HDAC4: variants seen among roughly 807,000 people sequenced by gnomAD.
HDAC4 encodes histone deacetylase 4, also known as histone deacetylase A.
In HDAC4, 16 loss-of-function variants were observed where a neutral mutation model predicts 135.1. That is an observed-to-expected ratio of 0.12 (90% CI 0.08 to 0.18). The LOEUF (loss-of-function observed/expected upper bound fraction) is 0.18. HDAC4 is among the 10% of genes least tolerant of loss of function. The pLI is 1.00. For missense variants in HDAC4, 1,143 were observed against 1,511.8 expected (o/e 0.76, Z 4.05); for synonymous variants, 685 against 653.4 (o/e 1.05, Z -0.74).
intron 18 of HDAC4, among the ~76,000 whole-genome samples, chr2:239,088,509 G>T (rs901117079): frequency 6.6e-6 from 1 of 152,206 alleles, no homozygotes; most frequent in Admixed American, 6.5e-5. Context: ...CCCTGCTGAG[G>T]GTCTGTAGTC....
chr2:239,350,536 G>A (rs1693063216), intron 2 of HDAC4, among the ~76,000 whole-genome samples: 1 of 151,700 alleles, frequency 6.6e-6, no homozygotes, highest in African/African-American at 2.4e-5. Flanking sequence ...ACGGAGTCTT[G>A]CTCTGTCGCC....
chr2:239,124,685 C>T (rs111385528), intron 12 of HDAC4, among the ~76,000 whole-genome samples: 778 of 31,056 alleles, frequency 0.025, 7 homozygotes, highest in African/African-American at 0.079. Context: ...CGTGTGGCCG[C>T]GTTATATGAC....
chr2:239,117,975 C>T (rs1280808204), intron 12 of HDAC4, among the ~76,000 whole-genome samples: 3 of 152,196 alleles, frequency 2.0e-5, no homozygotes, highest in South Asian at 4.1e-4. Flanking sequence ...CACACTCACG[C>T]GAGGCGGCCT....
intron 1 of HDAC4, among the ~76,000 whole-genome samples, chr2:239,385,775 G>A (rs2126079257): frequency 1.3e-5 from 2 of 152,358 alleles, no homozygotes; most frequent in Non-Finnish European, 2.9e-5. Flanking sequence ...AGGAGGCCAG[G>A]CAAGCCACGG....
chr2:239,144,516 A>T, intron 8 of HDAC4, 67 bp downstream of exon 8: 1 of 1,605,464 alleles, frequency 6.2e-7, no homozygotes. Flanking sequence ...CCTGAGAGAA[A>T]TCGCCTATGG....
At chr2:239,343,769 G>A (rs369204820) in intron 2 of HDAC4, among the ~76,000 whole-genome samples, 1 of 152,212 alleles carries the variant, frequency 6.6e-6, no homozygotes, top group African/African-American at 2.4e-5. Flanking sequence ...GTGTTCTGCC[G>A]CAGAGAGGCG....
At chr2:239,136,972 G>A (rs1182605647) in intron 9 of HDAC4, among the ~76,000 whole-genome samples, 1 of 152,128 alleles carries the variant, frequency 6.6e-6, no homozygotes, top group African/African-American at 2.4e-5. Context: ...TTTTTCCTAG[G>A]CAATTTTTTT....
At chr2:239,096,490 G>A (rs976181291) in intron 16 of HDAC4, among the ~76,000 whole-genome samples, 4 of 14,370 alleles carry the variant, frequency 2.8e-4, no homozygotes, top group Non-Finnish European at 4.5e-4. Context: ...CCCGCCCCCC[G>A]CCCCGCCCCC....
rs547644550 is a variant in HDAC4, at chr2:239,066,167, C to T, written c.3003+555G>A. Among the ~76,000 whole-genome samples, 12 of 152,270 alleles carry T rather than the reference C, an allele frequency of 7.9e-5. No homozygotes were observed. The South Asian group carries it at 2.5e-3, about 32-fold the overall frequency. ...GCCCGTGGAACATTCTTTTTCTCTG[C>T]CCAGGTCTCAGAGGCCAGCTGTACA... On this transcript the variant is annotated intron_variant, in intron 24 of 26. Coordinates refer to ENST00000543185, the MANE Select transcript of HDAC4 (RefSeq NM_001378414.1).
intron 12 of HDAC4, among the ~76,000 whole-genome samples, chr2:239,124,524 G>A (rs1207589492): frequency 1.3e-5 from 2 of 151,786 alleles, no homozygotes; most frequent in South Asian, 2.1e-4. Context: ...ACATTCCGGC[G>A]TGCCGGCGTG....
At chr2:239,302,331 C>G (rs2052315230) in intron 2 of HDAC4, among the ~76,000 whole-genome samples, 1 of 152,182 alleles carries the variant, frequency 6.6e-6, no homozygotes, top group Non-Finnish European at 1.5e-5. Context: ...CAAGGCCACC[C>G]TGGCAGCAAA....
chr2:239,346,037 C>T (rs1192237888), intron 2 of HDAC4, among the ~76,000 whole-genome samples: 1 of 146,040 alleles, frequency 6.8e-6, no homozygotes, highest in Non-Finnish European at 1.5e-5. Flanking sequence ...CACACATACA[C>T]ACCGTCTGAA....
Position 239,126,615 on chromosome 2 carries a change from G to C in HDAC4, c.1374C>G (p.Ile458Met), listed in dbSNP as rs759484880. 2 of 1,614,018 alleles carry C rather than the reference G, an allele frequency of 1.2e-6. No individual in the cohort carries two copies. Among genetic ancestry groups the C allele is most frequent in the South Asian group, 2.2e-5 (2 of 91,084 alleles). ...GTGGGCGGTGCTGCCGCAGCTTGTG[G>C]ATGGAGGGGGACACCCGGTCTGCAC... ...LVGADRVSPS[I>M]HKLRQHRPLG... Residue 458 changes from isoleucine to methionine, a missense_variant, in exon 12 of 27, where the codon ATC becomes ATG. Coordinates refer to ENST00000543185, the MANE Select transcript of HDAC4 (RefSeq NM_001378414.1).
Position 239,331,863 on chromosome 2 carries a change from A to AC in HDAC4, c.22+20814dup, listed in dbSNP as rs1487792049. ...AGCGGAGCAGCACCGGACGGCTCGGACCCTGGGAAACGAACGCCAGACTGA... is the reference window on the plus strand; with the variant it reads ...AGCGGAGCAGCACCGGACGGCTCGGACCCCTGGGAAACGAACGCCAGACTGA... On this transcript the variant is annotated intron_variant, in intron 2 of 26. Coordinates refer to ENST00000543185, the MANE Select transcript of HDAC4 (RefSeq NM_001378414.1). This position sits in a 1 kb window ranked among gnomAD's most constrained non-coding sequence, Gnocchi z 4.5. Among the ~76,000 whole-genome samples the AC allele has an allele frequency of 6.6e-6, 1 of 152,060 alleles. No individual in the cohort carries two copies. Among genetic ancestry groups the AC allele is most frequent in the Non-Finnish European group, 1.5e-5 (1 of 68,008 alleles).
intron 24 of HDAC4, among the ~76,000 whole-genome samples, chr2:239,066,451 T>G (rs1249822953): frequency 6.6e-6 from 1 of 152,164 alleles, no homozygotes; most frequent in Non-Finnish European, 1.5e-5. Flanking sequence ...ACTGAAAGGG[T>G]GCAGTCGCAC....
intron 3 of HDAC4, among the ~76,000 whole-genome samples, chr2:239,202,722 G>A (rs772431971): frequency 3.3e-5 from 5 of 152,154 alleles, no homozygotes; most frequent in African/African-American, 4.8e-5. Flanking sequence ...AGGCTTCCTC[G>A]ATGGAGCTGT....
At chr2:239,255,493 A>AT (rs1183848766) in intron 2 of HDAC4, among the ~76,000 whole-genome samples, 2 of 152,068 alleles carry the variant, frequency 1.3e-5, no homozygotes, top group Admixed American at 1.3e-4. Flanking sequence ...AGAGACCGTC[A>AT]TTTTTTCTTT....
rs183976738 is a variant in HDAC4 at position 239,054,813 on chromosome 2, C to A, written c.3024G>T (p.Lys1008Asn). The stretch of plus-strand genomic sequence containing the variant: ...TTGCATTGGGTCTTTGCTGTAAAAC[C>A]TTTTCTGGGAGAGGATCAAGCTGGA... Reference protein sequence around the residue: ...LGNELDPLPEKVLQQRPNANA... With the variant: ...LGNELDPLPENVLQQRPNANA... Residue 1008 changes from lysine (K) to asparagine (N), a missense_variant, in exon 25 of 27, where the codon AAG becomes AAT. Lys to Asn is a moderately conservative substitution (Grantham distance 94). Coordinates refer to ENST00000543185, the MANE Select transcript of HDAC4 (RefSeq NM_001378414.1). The A allele has an allele frequency of 7.4e-6, 12 of 1,612,310 alleles. No homozygotes were observed. In the East Asian group the frequency reaches 2.7e-4, roughly 36 times the overall value.
chr2:239,191,432 GC>G, intron 3 of HDAC4, among the ~76,000 whole-genome samples: 1 of 152,246 alleles, frequency 6.6e-6, no homozygotes, highest in Non-Finnish European at 1.5e-5. Flanking sequence ...GGGTGAAACA[GC>G]CCATAGGTGG....
Sources: gnomAD v4.1 joint callset for allele counts (sites outside exome capture counted in the v4.1 genomes callset) on GRCh38, gnomAD v4.1.1 for gene constraint, Gnocchi (gnomAD v3.1) non-coding constraint, MANE v1.5 for transcripts, NCBI Gene and HGNC (gene_info 2026-07-23, HGNC 2026-07-21) for gene names.